CTDSPL2: variants seen among roughly 807,000 people sequenced by gnomAD.
CTDSPL2 encodes the protein CTD small phosphatase-like protein 2.
A neutral mutation model predicts 60.0 loss-of-function variants in CTDSPL2; 5 were observed. That is an observed-to-expected ratio of 0.08 (90% CI 0.04 to 0.18). The LOEUF (loss-of-function observed/expected upper bound fraction) is 0.18, where lower values mean the gene tolerates loss of function less well. CTDSPL2 is among the 10% of genes least tolerant of loss of function. CTDSPL2 has a pLI of 1.00. For missense variants in CTDSPL2, 370 were observed against 548.8 expected, an observed-to-expected ratio of 0.67 and a Z score of 3.26; for synonymous variants, 186 against 189.3, an observed-to-expected ratio of 0.98 and a Z score of 0.14.
At chr15:44,431,723 T>G (rs2172414) in intron 1 of CTDSPL2, among the ~76,000 whole-genome samples, 18 of 146,858 alleles carry the variant, frequency 1.2e-4, no homozygotes, top group South Asian at 6.4e-4. Context: ...TTTGTTTTTT[T>G]TTTTTTTTTT....
chr15:44,438,398 A>C (rs2080020053), intron 1 of CTDSPL2, among the ~76,000 whole-genome samples: 1 of 152,188 alleles, frequency 6.6e-6, no homozygotes, highest in African/African-American at 2.4e-5. Context: ...GGGTGAGAGG[A>C]ACAGGCAAGT....
intron 2 of CTDSPL2, among the ~76,000 whole-genome samples, chr15:44,470,249 G>A (rs990639042): frequency 4.6e-5 from 7 of 151,734 alleles, no homozygotes; most frequent in African/African-American, 9.7e-5. Context: ...TTTGCTTCAT[G>A]TATGTTGAAG....
intron 1 of CTDSPL2, among the ~76,000 whole-genome samples, chr15:44,454,784 A>G (rs999997429): frequency 1.6e-4 from 24 of 152,116 alleles, no homozygotes; most frequent in African/African-American, 5.3e-4. Context: ...CCATTGGTCT[A>G]TATCTCTGTT....
chr15:44,444,972 C>T (rs1415406730), intron 1 of CTDSPL2, among the ~76,000 whole-genome samples: 4 of 149,786 alleles, frequency 2.7e-5, no homozygotes, highest in East Asian at 2.0e-4. Context: ...CTCAGCCTCC[C>T]GAGTAGCTGG....
intron 1 of CTDSPL2, among the ~76,000 whole-genome samples, chr15:44,453,734 G>C (rs190853317): frequency 6.6e-6 from 1 of 152,022 alleles, no homozygotes; most frequent in Admixed American, 6.6e-5. Context: ...TTTCATCCAT[G>C]TCCCTACAAA....
intron 3 of CTDSPL2, among the ~76,000 whole-genome samples, chr15:44,485,487 A>G (rs533993009): frequency 3.3e-5 from 5 of 152,330 alleles, no homozygotes; most frequent in African/African-American, 1.2e-4. Flanking sequence ...TTAGATTCTC[A>G]TAAGGATCGC....
chr15:44,501,890 G>C (rs894127763), intron 8 of CTDSPL2: 1 of 418,048 alleles, frequency 2.4e-6, no homozygotes. Context: ...GAAATCTTTG[G>C]GTTAGGGTTC....
chr15:44,518,346 A>G (rs2081695994), intron 10 of CTDSPL2, among the ~76,000 whole-genome samples: 1 of 152,208 alleles, frequency 6.6e-6, no homozygotes. Context: ...TGAGATTATA[A>G]TAATCACTTT....
intron 5 of CTDSPL2, among the ~76,000 whole-genome samples, chr15:44,492,519 A>G (rs905138785): frequency 6.6e-6 from 1 of 152,208 alleles, no homozygotes; most frequent in Non-Finnish European, 1.5e-5. Flanking sequence ...ATATAGCCCC[A>G]TCATAAGTCT....
intron 8 of CTDSPL2, among the ~76,000 whole-genome samples, chr15:44,510,493 AAATATT>A (rs1171598216): frequency 1.3e-5 from 2 of 152,152 alleles, no homozygotes; most frequent in Admixed American, 1.3e-4. Flanking sequence ...TTTACTGAGA[AAATATT>A]AAAATTATTT....
intron 4 of CTDSPL2, among the ~76,000 whole-genome samples, chr15:44,488,156 A>G (rs149486609): frequency 2.9e-4 from 44 of 152,184 alleles, no homozygotes; most frequent in Non-Finnish European, 5.3e-4. Context: ...CTCCTCCTCC[A>G]TAGGCAGAGC....
At chr15:44,474,505 GAAGA>G (rs1165345588) in intron 2 of CTDSPL2, among the ~76,000 whole-genome samples, 4 of 151,904 alleles carry the variant, frequency 2.6e-5, no homozygotes, top group African/African-American at 9.7e-5. Context: ...TTTTAAAAAA[GAAGA>G]AAGAACTTTC....
intron 2 of CTDSPL2, among the ~76,000 whole-genome samples, chr15:44,460,875 A>G (rs1013125847): frequency 6.6e-6 from 1 of 152,184 alleles, no homozygotes; most frequent in African/African-American, 2.4e-5. Flanking sequence ...ATAAATTCCT[A>G]ATGGGTTGTC....
At chr15:44,448,108 GC>G in intron 1 of CTDSPL2, 2 of 250,336 alleles carry the variant, frequency 8.0e-6, no homozygotes, top group Admixed American at 4.4e-5. Flanking sequence ...CTCCAGGCCA[GC>G]CCCCATACCT....
Position 44,462,219 on chromosome 15 carries a change from G to A in CTDSPL2, c.186+3019G>A, listed in dbSNP as rs74577636. On this transcript the variant is annotated intron_variant, in intron 2 of 12. Transcript: ENST00000260327. ...TGGACCTCTCAAAGTGTGAGCCACTGAGCCTGGCTGAATTGTTTCTGTTAA... is the reference window on the plus strand; with the variant it reads ...TGGACCTCTCAAAGTGTGAGCCACTAAGCCTGGCTGAATTGTTTCTGTTAA... Among the ~76,000 whole-genome samples the A allele has an allele frequency of 9.3e-4, 142 of 152,316 alleles. No homozygotes were observed. The East Asian group carries it at 0.027, about 29-fold the overall frequency.
chr15:44,451,752 A>G (rs1040654940), intron 1 of CTDSPL2, among the ~76,000 whole-genome samples: 3 of 152,234 alleles, frequency 2.0e-5, no homozygotes, highest in African/African-American at 4.8e-5. Context: ...ATGGGCAGAA[A>G]AAAATCTATG....
intron 1 of CTDSPL2, among the ~76,000 whole-genome samples, chr15:44,444,836 GTTT>G (rs35160726): frequency 2.2e-4 from 15 of 69,596 alleles, no homozygotes; most frequent in African/African-American, 8.5e-4. Flanking sequence ...ATGGAATGTA[GTTT>G]TTTTTTTTTT....
intron 1 of CTDSPL2, chr15:44,448,736 T>A: frequency 2.9e-6 from 1 of 342,946 alleles, no homozygotes; most frequent in South Asian, 2.8e-5. Flanking sequence ...TTGGCATCGA[T>A]AGTCTGCCCT....
Position 44,458,952 on chromosome 15 carries a change from TTTTAA to T in CTDSPL2, c.-24-35_-24-31del, listed in dbSNP as rs1389422871. ...GGTAGAGAAGGTTGAATTTAATAACTTTTAATTTTTTATTACATTTATTATTTTTC... is the reference window on the plus strand; with the variant it reads ...GGTAGAGAAGGTTGAATTTAATAACTTTTTTTATTACATTTATTATTTTTC... On this transcript the variant is annotated intron_variant, in intron 1 of 12. Coordinates refer to ENST00000260327, the MANE Select transcript of CTDSPL2 (RefSeq NM_016396.3). The T allele has an allele frequency of 4.5e-6, 6 of 1,321,888 alleles. No individual in the cohort carries two copies. In the Admixed American group the frequency reaches 7.8e-5, roughly 17 times the overall value. The allele number at this position is 1,321,888 out of a possible 1,614,324, so 81.9% of individuals were successfully genotyped here. A position where few individuals can be genotyped will look rare whatever the true frequency, so the allele number is the denominator to read the frequency against.
Sources: gnomAD v4.1 joint callset for allele counts (sites outside exome capture counted in the v4.1 genomes callset) on GRCh38, gnomAD v4.1.1 for gene constraint, MANE v1.5 for transcripts, NCBI Gene and HGNC (gene_info 2026-07-23, HGNC 2026-07-21) for gene names.